The following CACNB2 variants were observed in gnomAD, a reference collection of about 807,000 sequenced individuals.
CACNB2 encodes calcium voltage-gated channel auxiliary subunit beta 2.
CACNB2 carries 42 observed loss-of-function variants against 73.3 expected under a neutral mutation model. That is an observed-to-expected ratio of 0.57 (90% confidence interval 0.45 to 0.74). The LOEUF is 0.74. CACNB2 is among the 30% of genes least tolerant of loss of function. The pLI is 0.00. For missense variants in CACNB2, 940 were observed against 853.0 expected (o/e 1.10, Z -1.27); for synonymous variants, 348 against 310.3 (o/e 1.12, Z -1.28).
intron 2 of CACNB2, among the ~76,000 whole-genome samples, chr10:18,159,072 A>G (rs969632437): frequency 6.6e-6 from 1 of 152,012 alleles, no homozygotes; most frequent in South Asian, 2.1e-4. Flanking sequence ...TTTTTTGAAA[A>G]TGTCTTCATT....
intron 2 of CACNB2, among the ~76,000 whole-genome samples, chr10:18,178,367 C>A (rs1343714966): frequency 6.6e-6 from 1 of 152,278 alleles, no homozygotes; most frequent in African/African-American, 2.4e-5. Context: ...CTAATCTTCT[C>A]AGATTCCTTC....
At chr10:18,513,562 G>A (rs567185458) in intron 6 of CACNB2, 1 of 392,568 alleles carries the variant, frequency 2.5e-6, no homozygotes, top group East Asian at 8.0e-5. Flanking sequence ...CAAATGCATT[G>A]TTGATATTGC....
At chr10:18,336,093 G>A (rs1412644359) in intron 2 of CACNB2, among the ~76,000 whole-genome samples, 2 of 152,038 alleles carry the variant, frequency 1.3e-5, no homozygotes, top group Non-Finnish European at 2.9e-5. Context: ...ATTTAAAACT[G>A]GCATCTAAAT....
intron 2 of CACNB2, among the ~76,000 whole-genome samples, chr10:18,176,739 G>A (rs959161440): frequency 5.3e-5 from 8 of 151,480 alleles, no homozygotes; most frequent in Admixed American, 6.6e-5. Context: ...TCCATGTGAG[G>A]ACCACCATAG....
At chr10:18,427,977 C>T (rs1029760840) in intron 3 of CACNB2, among the ~76,000 whole-genome samples, 4 of 152,218 alleles carry the variant, frequency 2.6e-5, no homozygotes, top group Admixed American at 2.6e-4. Flanking sequence ...CTGTTAATCA[C>T]ACAAGCTTTT....
chr10:18,198,385 T>C (rs985752317), intron 2 of CACNB2, among the ~76,000 whole-genome samples: 1 of 152,094 alleles, frequency 6.6e-6, no homozygotes, highest in African/African-American at 2.4e-5. Flanking sequence ...GTAAATCTCA[T>C]AGGAAGATTC....
At chr10:18,140,961 C>T (rs1314748905) in intron 1 of CACNB2, 105 bp downstream of exon 1, 3 of 1,520,532 alleles carry the variant, frequency 2.0e-6, no homozygotes, top group Admixed American at 2.1e-5. Flanking sequence ...AGCCTCGCAC[C>T]TCCTCCCCTC....
chr10:18,526,625 C>T (rs2052493881), intron 9 of CACNB2, among the ~76,000 whole-genome samples: 1 of 152,210 alleles, frequency 6.6e-6, no homozygotes, highest in Non-Finnish European at 1.5e-5. Context: ...CAGTCTAAGT[C>T]ATTTGCTATT....
intron 3 of CACNB2, among the ~76,000 whole-genome samples, chr10:18,488,349 C>T (rs1266617791): frequency 1.3e-5 from 2 of 151,260 alleles, no homozygotes; most frequent in Non-Finnish European, 2.9e-5. Flanking sequence ...GTGGCAGGTG[C>T]CTGTAGTCCC....
At chr10:18,271,563 C>G (rs1176780220) in intron 2 of CACNB2, among the ~76,000 whole-genome samples, 4 of 152,126 alleles carry the variant, frequency 2.6e-5, no homozygotes, top group African/African-American at 9.7e-5. Flanking sequence ...GAAACCTTCC[C>G]TAACATCTTT....
At chr10:18,158,545 T>C (rs2032222309) in intron 2 of CACNB2, among the ~76,000 whole-genome samples, 1 of 152,166 alleles carries the variant, frequency 6.6e-6, no homozygotes, top group African/African-American at 2.4e-5. Context: ...ATGAAAAAAT[T>C]TCATTTATCA....
intron 2 of CACNB2, among the ~76,000 whole-genome samples, chr10:18,297,855 G>A (rs771905326): frequency 6.6e-6 from 1 of 152,206 alleles, no homozygotes; most frequent in Non-Finnish European, 1.5e-5. Flanking sequence ...GCTTCACCCT[G>A]CAGCGCAAAT....
chr10:18,380,504 G>T (rs192589052), intron 2 of CACNB2, among the ~76,000 whole-genome samples: 141 of 146,598 alleles, frequency 9.6e-4, no homozygotes, highest in African/African-American at 3.4e-3. Flanking sequence ...GCCCAGGCTG[G>T]AGTGCAATGG....
chr10:18,327,067 C>A (rs539620402), intron 2 of CACNB2, among the ~76,000 whole-genome samples: 1 of 152,064 alleles, frequency 6.6e-6, no homozygotes, highest in African/African-American at 2.4e-5. Context: ...CATAGGCCAC[C>A]CTTCCTTGAA....
At chr10:18,537,484 T>G (rs991952188) in intron 12 of CACNB2, among the ~76,000 whole-genome samples, 2 of 152,076 alleles carry the variant, frequency 1.3e-5, no homozygotes, top group Non-Finnish European at 2.9e-5. Context: ...AATTCAGATT[T>G]CATAATCTTG....
In CACNB2 at chr10:18,531,830, TATAAAGCATA is replaced by T. The variant is rs1200679120; in HGVS notation, c.1055-2245_1055-2236del. 4 of 111,384 alleles carry T rather than the reference TATAAAGCATA, an allele frequency of 3.6e-5. No individual in the cohort carries two copies. In the East Asian group the frequency reaches 1.3e-3, roughly 36 times the overall value. The allele number at this position is 111,384 out of a possible 1,614,324, so 6.9% of individuals were successfully genotyped here. A position where few individuals can be genotyped will look rare whatever the true frequency, so the allele number is the denominator to read the frequency against. ...TGTTGTTGTTTATAGATATTAGAGA[TATAAAGCATA>T]GAAAGGTGTTCATTTTTCAGTTTAA... is the stretch of plus-strand genomic sequence containing the variant. On this transcript the variant is annotated intron_variant, in intron 10 of 13. Coordinates refer to ENST00000324631, the MANE Select transcript of CACNB2 (RefSeq NM_201596.3).
At chr10:18,386,622 G>A (rs1472315098) in intron 2 of CACNB2, among the ~76,000 whole-genome samples, 2 of 151,864 alleles carry the variant, frequency 1.3e-5, no homozygotes, top group East Asian at 3.9e-4. Flanking sequence ...TAGCCAGGAC[G>A]GTCTCGATCT....
chr10:18,477,452 T>C (rs748647623), intron 3 of CACNB2, among the ~76,000 whole-genome samples: 42 of 152,202 alleles, frequency 2.8e-4, no homozygotes, highest in Non-Finnish European at 3.1e-4. Flanking sequence ...GTTGTTAGAA[T>C]GTCTCTGACA....
intron 3 of CACNB2, among the ~76,000 whole-genome samples, chr10:18,420,053 C>A (rs1033971634): frequency 1.3e-5 from 2 of 152,132 alleles, no homozygotes; most frequent in African/African-American, 2.4e-5. Flanking sequence ...TATGACCAGG[C>A]GTGCCCAACC....
Sources: allele counts gnomAD v4.1 joint callset (sites outside exome capture counted in the v4.1 genomes callset), GRCh38; gene constraint gnomAD v4.1.1; transcripts MANE v1.5; gene names NCBI Gene and HGNC (gene_info 2026-07-23, HGNC 2026-07-21).